The following ACSS1 variants were observed in gnomAD, a reference collection of about 807,000 sequenced individuals.
ACSS1 encodes the protein acyl-CoA synthetase short chain family member 1.
In ACSS1, 42 loss-of-function variants were observed where a neutral mutation model predicts 75.3. The observed-to-expected ratio is 0.56, with a 90% CI of 0.44 to 0.72. The LOEUF (loss-of-function observed/expected upper bound fraction) is 0.72. Ranked by LOEUF, ACSS1 falls within the 30% of genes least tolerant of loss-of-function variation. The pLI, the probability that ACSS1 is intolerant of heterozygous loss-of-function variation, is 0.00. For missense variants in ACSS1, 782 were observed against 935.7 expected, an observed-to-expected ratio of 0.84 and a Z score of 2.14; for synonymous variants, 380 against 376.8, an observed-to-expected ratio of 1.01 and a Z score of -0.10.
chr20:25,029,474 T>G (rs1234816034), intron 3 of ACSS1, among the ~76,000 whole-genome samples: 1 of 152,158 alleles, frequency 6.6e-6, no homozygotes, highest in East Asian at 1.9e-4. Flanking sequence ...CTTTGATAAG[T>G]TAAACATGGA....
chr20:25,029,156 T>C (rs2088779599), intron 3 of ACSS1, among the ~76,000 whole-genome samples: 2 of 152,214 alleles, frequency 1.3e-5, no homozygotes, highest in Non-Finnish European at 2.9e-5. Context: ...ATATTCAGAA[T>C]ATATAAGTAA....
intron 9 of ACSS1, 115 bp downstream of exon 9, chr20:25,013,846 G>A: frequency 3.0e-6 from 4 of 1,349,494 alleles, no homozygotes; most frequent in Non-Finnish European, 3.1e-6. Flanking sequence ...ACGCTGCAAG[G>A]TCAGCAGCCT....
At chr20:25,045,990 A>G (rs1336227421) in intron 2 of ACSS1, 2 of 152,088 alleles carry the variant, frequency 1.3e-5, no homozygotes, top group Non-Finnish European at 2.9e-5. Flanking sequence ...CAGTGGCACA[A>G]TCTTGGCTCA....
intron 1 of ACSS1, among the ~76,000 whole-genome samples, chr20:25,057,301 G>A (rs2089255644): frequency 6.6e-6 from 1 of 152,218 alleles, no homozygotes; most frequent in Admixed American, 6.5e-5. Flanking sequence ...TTGTCCCCAG[G>A]CTGATCCCCG....
chr20:25,051,023 G>T (rs956576975), intron 1 of ACSS1, among the ~76,000 whole-genome samples: 6 of 152,122 alleles, frequency 3.9e-5, no homozygotes, highest in Non-Finnish European at 7.4e-5. Context: ...CTCAAAAAGT[G>T]GCCACCAAGG....
intron 2 of ACSS1, chr20:25,032,488 G>C: frequency 7.8e-7 from 1 of 1,289,486 alleles, no homozygotes; most frequent in Non-Finnish European, 9.9e-7. Flanking sequence ...CACTCTTGCT[G>C]TACTGACTTT....
chr20:25,040,718 G>A (rs756246931), intron 2 of ACSS1, among the ~76,000 whole-genome samples: 1 of 152,152 alleles, frequency 6.6e-6, no homozygotes, highest in Non-Finnish European at 1.5e-5. Context: ...CACGGAGCCC[G>A]TTTGACACTA....
At chr20:25,033,042 AC>A (rs2088853969) in intron 2 of ACSS1, among the ~76,000 whole-genome samples, 1 of 151,116 alleles carries the variant, frequency 6.6e-6, no homozygotes. Context: ...CCCCCGGAAA[AC>A]CCCCAGCACC....
intron 10 of ACSS1, among the ~76,000 whole-genome samples, chr20:25,013,230 A>G (rs936700562): frequency 6.6e-6 from 1 of 152,210 alleles, no homozygotes; most frequent in African/African-American, 2.4e-5. Flanking sequence ...GTAAACTGGA[A>G]GAAAACTCCC....
chr20:25,021,547 A>G lies in ACSS1; in HGVS notation c.961-11T>C. 1 of 1,612,660 alleles carries G rather than the reference A, an allele frequency of 6.2e-7. No individual in the cohort carries two copies. The highest frequency in any genetic ancestry group is 8.5e-7 in the Non-Finnish European group (1 of 1,179,234). On this transcript the variant is annotated splice_polypyrimidine_tract_variant and intron_variant, in intron 5 of 13. Transcript: ENST00000323482. ...GTGGTCAAACACAAGCTGCAGAGAC[A>G]GGAAAGGAGCATCAGGAGCTTGTCC...
At chr20:25,031,095 T>A in intron 2 of ACSS1, 137 bp from the exon 3 acceptor site, 2 of 853,318 alleles carry the variant, frequency 2.3e-6, no homozygotes, top group Non-Finnish European at 3.8e-6. Flanking sequence ...CTTGAATACT[T>A]AATGCATGGA....
intron 3 of ACSS1, among the ~76,000 whole-genome samples, chr20:25,028,919 A>G (rs2088775278): frequency 6.6e-6 from 1 of 151,366 alleles, no homozygotes; most frequent in South Asian, 2.1e-4. Context: ...AATCCATCTC[A>G]AAAAGAAAAA....
chr20:25,032,740 G>C (rs771543164), intron 2 of ACSS1: 13 of 1,083,522 alleles, frequency 1.2e-5, no homozygotes, highest in Non-Finnish European at 1.5e-5. Flanking sequence ...AGGCCACCCG[G>C]GAAACCACAG....
At chr20:25,019,036 G>A (rs558449740) in intron 7 of ACSS1, among the ~76,000 whole-genome samples, 6 of 152,194 alleles carry the variant, frequency 3.9e-5, no homozygotes, top group Non-Finnish European at 8.8e-5. Flanking sequence ...ATGCCCGCAT[G>A]GCCTCATGGT....
Position 25,006,768 on chromosome 20 carries a change from C to T in ACSS1, c.*994G>A. 6.8e-7 allele frequency: 1 copy of T among 1,466,474 alleles called. No homozygotes were observed. Among genetic ancestry groups the T allele is most frequent in the South Asian group, 1.2e-5 (1 of 81,562 alleles). 90.8% of individuals were successfully genotyped at this position (1,466,474 alleles called of 1,614,324 possible). On this transcript the variant is annotated 3_prime_UTR_variant, in exon 14 of 14. Coordinates refer to ENST00000323482, the MANE Select transcript of ACSS1 (RefSeq NM_032501.4). Reference sequence around the variant, plus strand: ...ACAAAGAGAGACTGGATCCAGACCTCCAAGTCTCATCATTGGACCTCAGTG... The same window carrying T: ...ACAAAGAGAGACTGGATCCAGACCTTCAAGTCTCATCATTGGACCTCAGTG...
intron 2 of ACSS1, among the ~76,000 whole-genome samples, chr20:25,047,742 G>A (rs778923391): frequency 6.6e-5 from 10 of 152,052 alleles, no homozygotes; most frequent in Non-Finnish European, 1.0e-4. Context: ...AGTGCAGACC[G>A]CCCAAAGCAC....
intron 5 of ACSS1, among the ~76,000 whole-genome samples, chr20:25,021,858 G>A (rs899375456): frequency 5.9e-5 from 9 of 152,164 alleles, no homozygotes; most frequent in Non-Finnish European, 1.2e-4. Flanking sequence ...ACAGACATCC[G>A]AATCCCCTTT....
chr20:25,023,971 C>T (rs904901857), intron 3 of ACSS1, among the ~76,000 whole-genome samples: 2 of 152,176 alleles, frequency 1.3e-5, no homozygotes, highest in Admixed American at 6.5e-5. Flanking sequence ...CAGGAGCAAA[C>T]CCCAGGAAAG....
upstream of ACSS1, chr20:25,058,139 TG>T: frequency 8.2e-7 from 1 of 1,223,554 alleles, no homozygotes; most frequent in Non-Finnish European, 1.0e-6. Context: ...GCTCCCAGAG[TG>T]GGTGCCTCAC....
Sources: allele counts gnomAD v4.1 joint callset (sites outside exome capture counted in the v4.1 genomes callset), GRCh38; gene constraint gnomAD v4.1.1; transcripts MANE v1.5; gene names NCBI Gene and HGNC (gene_info 2026-07-23, HGNC 2026-07-21).